ANO6: variants seen among roughly 807,000 people sequenced by gnomAD.
ANO6 encodes the protein anoctamin 6, also known as anoctamin-6.
Under a neutral mutation model 117.5 loss-of-function variants are expected in ANO6, and 106 were observed. The observed-to-expected ratio is 0.90, with a 90% confidence interval of 0.77 to 1.06. The LOEUF (loss-of-function observed/expected upper bound fraction) is 1.06, where lower values mean the gene tolerates loss of function less well. ANO6 is among the 50% of genes least tolerant of loss of function. The pLI is 0.00. For missense variants in ANO6, 955 were observed against 1,121.1 expected (o/e 0.85, Z 2.12); for synonymous variants, 367 against 385.1 (o/e 0.95, Z 0.55).
chr12:45,245,376 C>T (rs1023243933), intron 1 of ANO6, among the ~76,000 whole-genome samples: 3 of 150,788 alleles, frequency 2.0e-5, no homozygotes, highest in African/African-American at 7.3e-5. Flanking sequence ...ATATTGGAGG[C>T]ATAAGACATT....
At chr12:45,265,625 T>C (rs1938190494) in intron 1 of ANO6, among the ~76,000 whole-genome samples, 1 of 152,174 alleles carries the variant, frequency 6.6e-6, no homozygotes, top group Admixed American at 6.5e-5. Flanking sequence ...CAGCTGATCA[T>C]CCAGTTAACC....
At chr12:45,306,280 A>G (rs933945935) in intron 2 of ANO6, among the ~76,000 whole-genome samples, 10 of 152,192 alleles carry the variant, frequency 6.6e-5, no homozygotes, top group Non-Finnish European at 1.0e-4. Flanking sequence ...TCTCATGCCA[A>G]CCGAGGATGT....
chr12:45,428,031 TGA>T (rs1445002364), intron 19 of ANO6, among the ~76,000 whole-genome samples: 1 of 152,114 alleles, frequency 6.6e-6, no homozygotes, highest in Non-Finnish European at 1.5e-5. Flanking sequence ...ATACCTGCTT[TGA>T]AAAATGTTTT....
intron 1 of ANO6, among the ~76,000 whole-genome samples, chr12:45,276,680 T>C (rs768976284): frequency 2.0e-5 from 3 of 152,194 alleles, no homozygotes; most frequent in Non-Finnish European, 2.9e-5. Flanking sequence ...AAAGTACTTA[T>C]ATTTAGTTTT....
In ANO6 at chr12:45,403,516, C is replaced by T. The variant is rs200706878; in HGVS notation, c.1860C>T (p.Asn620=). 1 of 1,613,136 alleles carries T rather than the reference C, an allele frequency of 6.2e-7. No homozygotes were observed. The highest frequency in any genetic ancestry group is 8.5e-7 in the Non-Finnish European group (1 of 1,179,214). The change falls in exon 15 of 20, where the codon AAC becomes AAT. Residue 620 remains asparagine, a synonymous_variant. Coordinates refer to ENST00000320560, the MANE Select transcript of ANO6 (RefSeq NM_001025356.3). ...IIMGGKAIWN[N]IQEVLLPWIM... ...TGGGAGGAAAAGCAATCTGGAATAA[C>T]ATACAAGAAGTATTATTGCCGTGAG...
At chr12:45,343,673 C>T (rs2137435105) in intron 3 of ANO6, among the ~76,000 whole-genome samples, 1 of 152,280 alleles carries the variant, frequency 6.6e-6, no homozygotes, top group Non-Finnish European at 1.5e-5. Flanking sequence ...TTAGAGAACT[C>T]ACAAATTCTC....
chr12:45,270,011 A>G (rs533435328), intron 1 of ANO6, among the ~76,000 whole-genome samples: 8 of 152,232 alleles, frequency 5.3e-5, no homozygotes, highest in African/African-American at 1.9e-4. Context: ...TAATTATTGG[A>G]ATGCAGCCTC....
At chr12:45,382,828 A>G (rs1291686227) in intron 10 of ANO6, among the ~76,000 whole-genome samples, 1 of 152,214 alleles carries the variant, frequency 6.6e-6, no homozygotes, top group Non-Finnish European at 1.5e-5. Flanking sequence ...CTGAGCCTTT[A>G]GAGAGTGTTA....
chr12:45,352,183 G>A (rs1180834806), intron 7 of ANO6, among the ~76,000 whole-genome samples: 1 of 152,032 alleles, frequency 6.6e-6, no homozygotes, highest in African/African-American at 2.4e-5. Context: ...ATGAATGTTT[G>A]TTTTGTTTTA....
chr12:45,330,953 G>C (rs1940642570), intron 2 of ANO6, among the ~76,000 whole-genome samples: 2 of 151,748 alleles, frequency 1.3e-5, no homozygotes, highest in Admixed American at 1.3e-4. Context: ...TCACTCCCTT[G>C]GATAGGCAGT....
intron 1 of ANO6, among the ~76,000 whole-genome samples, chr12:45,268,484 C>T (rs1938290525): frequency 6.6e-6 from 1 of 152,160 alleles, no homozygotes; most frequent in Admixed American, 6.5e-5. Context: ...TGCACCGCTG[C>T]ATTCCAGTCT....
chr12:45,233,915 G>A (rs1164850694), intron 1 of ANO6, among the ~76,000 whole-genome samples: 1 of 152,112 alleles, frequency 6.6e-6, no homozygotes, highest in Non-Finnish European at 1.5e-5. Flanking sequence ...TCTTTCTGGG[G>A]ATTCATCTGT....
intron 2 of ANO6, among the ~76,000 whole-genome samples, chr12:45,302,748 AT>A (rs1354072947): frequency 6.6e-6 from 1 of 152,108 alleles, no homozygotes; most frequent in Non-Finnish European, 1.5e-5. Context: ...TAGTAAATAG[AT>A]TTTTACATTA....
At chr12:45,270,347 G>C in intron 1 of ANO6, 1 of 1,319,766 alleles carries the variant, frequency 7.6e-7, no homozygotes, top group Non-Finnish European at 9.7e-7. Flanking sequence ...CTTGTACGAG[G>C]TCAGGTCCTT....
intron 6 of ANO6, among the ~76,000 whole-genome samples, chr12:45,348,955 G>A (rs1339377939): frequency 6.6e-6 from 1 of 152,122 alleles, no homozygotes; most frequent in African/African-American, 2.4e-5. Context: ...CTTTCTAGCT[G>A]GATGACCTTG....
At chr12:45,298,496 A>G (rs1334280630) in intron 1 of ANO6, among the ~76,000 whole-genome samples, 1 of 152,234 alleles carries the variant, frequency 6.6e-6, no homozygotes. Context: ...AACAGTAACT[A>G]GAGCCCCTCA....
At chr12:45,420,122 T>G (rs2137696541) in intron 17 of ANO6, among the ~76,000 whole-genome samples, 1 of 152,092 alleles carries the variant, frequency 6.6e-6, no homozygotes, top group Middle Eastern at 3.4e-3. Flanking sequence ...AACATAACCA[T>G]GTACTGAGAG....
intron 3 of ANO6, among the ~76,000 whole-genome samples, chr12:45,334,302 A>C (rs1940761924): frequency 6.6e-6 from 1 of 152,124 alleles, no homozygotes. Flanking sequence ...CTTAAATGCT[A>C]AAAGGAAATA....
intron 13 of ANO6, 100 bp from the exon 14 acceptor site, chr12:45,402,972 T>A: frequency 9.3e-7 from 1 of 1,080,156 alleles, no homozygotes; most frequent in East Asian, 2.4e-5. Flanking sequence ...TGTATTTTTT[T>A]AACGTGTTTA....
Sources: allele counts gnomAD v4.1 joint callset (sites outside exome capture counted in the v4.1 genomes callset), GRCh38; gene constraint gnomAD v4.1.1; transcripts MANE v1.5; gene names NCBI Gene and HGNC (gene_info 2026-07-23, HGNC 2026-07-21).